MSRA: variants seen among roughly 807,000 people sequenced by gnomAD.
MSRA encodes the protein methionine sulfoxide reductase A, also known as mitochondrial peptide methionine sulfoxide reductase.
Under a neutral mutation model 31.3 loss-of-function variants are expected in MSRA, and 54 were observed. That is an observed-to-expected ratio of 1.73 (90% CI 1.39 to 2.17). The LOEUF is 2.17. Ranked by LOEUF, MSRA falls within the 30% of genes most tolerant of loss-of-function variation. MSRA has a pLI of 0.00. For synonymous variants in MSRA, 169 were observed against 116.5 expected, an observed-to-expected ratio of 1.45 and a Z score of -2.90; for missense variants, 507 against 300.9, an observed-to-expected ratio of 1.69 and a Z score of -5.07.
chr8:10,361,744 C>G (rs909338233), intron 5 of MSRA, among the ~76,000 whole-genome samples: 1 of 152,120 alleles, frequency 6.6e-6, no homozygotes, highest in Non-Finnish European at 1.5e-5. Flanking sequence ...AAGGAGGCAC[C>G]TACTTAAAGT....
intron 5 of MSRA, among the ~76,000 whole-genome samples, chr8:10,397,510 G>C (rs1807169867): frequency 6.6e-6 from 1 of 152,196 alleles, no homozygotes; most frequent in African/African-American, 2.4e-5. Flanking sequence ...GCTCTTCTTT[G>C]GGAGTGTTCA....
chr8:10,213,697 A>C (rs1468900282), intron 2 of MSRA, among the ~76,000 whole-genome samples: 1 of 151,556 alleles, frequency 6.6e-6, no homozygotes, highest in Non-Finnish European at 1.5e-5. Context: ...CGGCCTCCCC[A>C]GGTACCACAT....
intron 5 of MSRA, among the ~76,000 whole-genome samples, chr8:10,338,591 C>T (rs1428753320): frequency 6.6e-6 from 1 of 152,144 alleles, no homozygotes; most frequent in Non-Finnish European, 1.5e-5. Context: ...AAACATCATG[C>T]ACTCCATAAA....
At chr8:10,054,866 G>C (rs1802238122) in intron 1 of MSRA, among the ~76,000 whole-genome samples, 2 of 152,182 alleles carry the variant, frequency 1.3e-5, no homozygotes, top group South Asian at 4.1e-4. Context: ...TGTTTGGCTC[G>C]TCATCTTCTG....
At chr8:10,196,110 A>G (rs1327743755) in intron 1 of MSRA, among the ~76,000 whole-genome samples, 1 of 152,174 alleles carries the variant, frequency 6.6e-6, no homozygotes, top group Non-Finnish European at 1.5e-5. Flanking sequence ...CTGACAGCTG[A>G]CAGTGCCCCT....
chr8:10,388,279 G>C (rs915300443), intron 5 of MSRA, among the ~76,000 whole-genome samples: 4 of 152,208 alleles, frequency 2.6e-5, no homozygotes, highest in African/African-American at 2.4e-5. Context: ...TCGTGTTGCA[G>C]ACTTGAGGCT....
In MSRA at chr8:10,326,100, G is replaced by A. The variant is rs902188176; in HGVS notation, c.543+6111G>A. 4.6e-5 allele frequency among the ~76,000 whole-genome samples: 7 copies of A among 152,136 alleles called. No individual in the cohort carries two copies. In the South Asian group the frequency reaches 1.0e-3, roughly 23 times the overall value. On this transcript the variant is annotated intron_variant, in intron 5 of 5. Coordinates refer to ENST00000317173, the MANE Select transcript of MSRA (RefSeq NM_012331.5). ...TTCGGGACATTTGTCTTCTTTGAGC[G>A]CTGCTGGGACCCCTATACACTAACT...
At chr8:10,145,627 C>G (rs1204204430) in intron 1 of MSRA, among the ~76,000 whole-genome samples, 2 of 152,182 alleles carry the variant, frequency 1.3e-5, no homozygotes, top group South Asian at 2.1e-4. Context: ...ACCCTGTGAC[C>G]TGTTCACTTT....
intron 1 of MSRA, among the ~76,000 whole-genome samples, chr8:10,074,501 C>G (rs1389878424): frequency 2.0e-5 from 3 of 152,046 alleles, no homozygotes; most frequent in African/African-American, 7.2e-5. Flanking sequence ...TTTTTTTGAT[C>G]ACTGAAAGGT....
intron 5 of MSRA, among the ~76,000 whole-genome samples, chr8:10,421,398 C>T (rs1808801994): frequency 6.6e-6 from 1 of 152,186 alleles, no homozygotes; most frequent in Non-Finnish European, 1.5e-5. Context: ...GGGTCCTGGT[C>T]TCCACTCTGG....
At chr8:10,228,733 C>G (rs1811210729) in intron 2 of MSRA, among the ~76,000 whole-genome samples, 1 of 152,226 alleles carries the variant, frequency 6.6e-6, no homozygotes, top group Non-Finnish European at 1.5e-5. Flanking sequence ...GTGGCCTAAC[C>G]TCTCTGAATC....
In MSRA at chr8:10,243,374, C is replaced by G. The variant is rs540211963; in HGVS notation, c.212-1730C>G. 2.6e-5 allele frequency among the ~76,000 whole-genome samples: 4 copies of G among 152,096 alleles called. No individual in the cohort carries two copies. In the South Asian group the frequency reaches 8.3e-4, roughly 31 times the overall value. ...CAGCTTGTCCTTTTCCAGAGAATCC[C>G]TATCATCCTCCCCTCATCCCAAGGA... On this transcript the variant is annotated intron_variant, in intron 2 of 5. Coordinates refer to ENST00000317173, the MANE Select transcript of MSRA (RefSeq NM_012331.5).
chr8:10,316,270 A>G (rs1355635639), intron 4 of MSRA, among the ~76,000 whole-genome samples: 1 of 151,828 alleles, frequency 6.6e-6, no homozygotes, highest in African/African-American at 2.4e-5. Context: ...ACAAATCGGA[A>G]TAATAGTGGT....
Position 10,055,628 on chromosome 8 carries a change from A to T in MSRA, c.142+970A>T, listed in dbSNP as rs539357935. Among the ~76,000 whole-genome samples the T allele has an allele frequency of 2.6e-5, 4 of 152,358 alleles. No individual in the cohort carries two copies. In the East Asian group the frequency reaches 7.7e-4, roughly 29 times the overall value. ...TAATGTACGCTGTAGCTTGTAAACCACTGCCTTAGAGCTGTTGGAGGATTA... is the reference window on the plus strand; with the variant it reads ...TAATGTACGCTGTAGCTTGTAAACCTCTGCCTTAGAGCTGTTGGAGGATTA... On this transcript the variant is annotated intron_variant, in intron 1 of 5. Transcript: ENST00000317173.
intron 5 of MSRA, among the ~76,000 whole-genome samples, chr8:10,403,098 G>C (rs1807566378): frequency 6.6e-6 from 1 of 152,206 alleles, no homozygotes; most frequent in African/African-American, 2.4e-5. Flanking sequence ...CGAAGCTTGA[G>C]ATTCTTGTTT....
intron 1 of MSRA, among the ~76,000 whole-genome samples, chr8:10,060,300 G>A (rs1471858964): frequency 2.0e-5 from 3 of 152,212 alleles, no homozygotes; most frequent in Non-Finnish European, 4.4e-5. Context: ...GAACATCTGT[G>A]TGAATGGGTA....
At chr8:10,072,765 CTTCT>C (rs1409175517) in intron 1 of MSRA, among the ~76,000 whole-genome samples, 1 of 152,214 alleles carries the variant, frequency 6.6e-6, no homozygotes, top group Non-Finnish European at 1.5e-5. Context: ...TTGCCTTCAA[CTTCT>C]TTCATCAGCG....
intron 1 of MSRA, among the ~76,000 whole-genome samples, chr8:10,059,868 A>G (rs545863259): frequency 7.9e-5 from 12 of 152,368 alleles, no homozygotes; most frequent in Admixed American, 3.3e-4. Context: ...GCTTTTAAGC[A>G]TATAAAAAGA....
chr8:10,170,674 A>G (rs1563177996), intron 1 of MSRA, among the ~76,000 whole-genome samples: 2 of 152,234 alleles, frequency 1.3e-5, no homozygotes, highest in African/African-American at 4.8e-5. Flanking sequence ...GAGGATGTGC[A>G]TAGGTTACAT....
Sources: allele counts gnomAD v4.1 joint callset (sites outside exome capture counted in the v4.1 genomes callset), GRCh38; gene constraint gnomAD v4.1.1; transcripts MANE v1.5; gene names NCBI Gene and HGNC (gene_info 2026-07-23, HGNC 2026-07-21).